SRBD1: variants seen among roughly 807,000 people sequenced by gnomAD.
SRBD1 encodes S1 RNA binding domain 1.
A neutral mutation model predicts 115.3 loss-of-function variants in SRBD1; 88 were observed. That is an observed-to-expected ratio of 0.76 (90% CI 0.64 to 0.91). SRBD1 has a LOEUF of 0.91. SRBD1 is among the 40% of genes least tolerant of loss of function. SRBD1 has a pLI of 0.00. For synonymous variants in SRBD1, 509 were observed against 407.7 expected (o/e 1.25, Z -2.99); for missense variants, 1,385 against 1,177.4 (o/e 1.18, Z -2.58).
rs1169853890 is a variant in SRBD1, at chr2:45,546,726, C to T, written c.1874+6G>A. ...CCAAGAAAAGAGATATATGTAATAG[C>T]CTTACCAGTAAACAACATCCAGTGG... On this transcript the variant is annotated splice_donor_region_variant and intron_variant, in intron 14 of 20. Coordinates refer to ENST00000263736, the MANE Select transcript of SRBD1 (RefSeq NM_018079.5). 6.2e-7 allele frequency: 1 copy of T among 1,613,202 alleles called. No individual in the cohort carries two copies. Among genetic ancestry groups the T allele is most frequent in the Admixed American group, 1.7e-5 (1 of 60,024 alleles).
intron 10 of SRBD1, among the ~76,000 whole-genome samples, chr2:45,556,233 G>C (rs949591699): frequency 1.3e-5 from 2 of 152,034 alleles, no homozygotes; most frequent in African/African-American, 4.8e-5. Context: ...GGGATACAGA[G>C]GAGTAGGATT....
At chr2:45,518,397 C>A (rs1479857959) in intron 14 of SRBD1, among the ~76,000 whole-genome samples, 3 of 152,124 alleles carry the variant, frequency 2.0e-5, no homozygotes, top group African/African-American at 7.2e-5. Context: ...TTATTTTGAG[C>A]AGAATGAATG....
chr2:45,462,256 T>C (rs1360955091), intron 16 of SRBD1, among the ~76,000 whole-genome samples: 1 of 152,132 alleles, frequency 6.6e-6, no homozygotes, highest in South Asian at 2.1e-4. Context: ...CATAGCGCCC[T>C]CATACAGATT....
At chr2:45,606,467 T>C (rs746837042) in intron 1 of SRBD1, among the ~76,000 whole-genome samples, 5 of 152,112 alleles carry the variant, frequency 3.3e-5, no homozygotes, top group African/African-American at 4.8e-5. Flanking sequence ...GCCTATTCTA[T>C]ATATTCTTAA....
At chr2:45,553,901 A>T (rs1179908688) in intron 10 of SRBD1, among the ~76,000 whole-genome samples, 171 bp from the exon 11 acceptor site, 2 of 152,212 alleles carry the variant, frequency 1.3e-5, no homozygotes, top group Non-Finnish European at 2.9e-5. Context: ...TTACTATGAC[A>T]TCTGGAGTTT....
intron 6 of SRBD1, among the ~76,000 whole-genome samples, chr2:45,580,603 C>T (rs1168753756): frequency 1.3e-5 from 2 of 148,874 alleles, no homozygotes; most frequent in Non-Finnish European, 3.0e-5. Flanking sequence ...TCGTGATCTG[C>T]CCGCCTCGGC....
At chr2:45,607,866 T>C (rs1022064442) in intron 1 of SRBD1, among the ~76,000 whole-genome samples, 2 of 152,194 alleles carry the variant, frequency 1.3e-5, no homozygotes, top group Non-Finnish European at 2.9e-5. Context: ...CAGAGAACCC[T>C]AGTCTTCCGC....
rs1044094492 is a variant in SRBD1 at position 45,399,749 on chromosome 2, T to C, written c.2514-6620A>G. Among the ~76,000 whole-genome samples, 4 of 152,294 alleles carry C rather than the reference T, an allele frequency of 2.6e-5. No homozygotes were observed. The East Asian group carries it at 5.8e-4, about 22-fold the overall frequency. On this transcript the variant is annotated intron_variant, in intron 19 of 20. Coordinates refer to ENST00000263736, the MANE Select transcript of SRBD1 (RefSeq NM_018079.5). ...CAAAAGGAAAAAGCTTTGGCTCTTT[T>C]TGAATTTCTGAATAAGAGTTGGACA...
At chr2:45,460,409 G>C (rs577186347) in intron 16 of SRBD1, among the ~76,000 whole-genome samples, 2 of 152,108 alleles carry the variant, frequency 1.3e-5, no homozygotes, top group African/African-American at 4.8e-5. Flanking sequence ...AGGAACTAGG[G>C]AACAAACCAC....
At chr2:45,470,259 T>C (rs1438988935) in intron 16 of SRBD1, among the ~76,000 whole-genome samples, 1 of 152,210 alleles carries the variant, frequency 6.6e-6, no homozygotes, top group African/African-American at 2.4e-5. Flanking sequence ...ATAGAATTGA[T>C]TCCACAGAGC....
chr2:45,578,398 A>G (rs73927559), intron 7 of SRBD1, among the ~76,000 whole-genome samples: 13,318 of 152,210 alleles, frequency 0.087, 1,082 homozygotes, highest in African/African-American at 0.22. Flanking sequence ...TACTCATTTC[A>G]ACCCATCTCT....
chr2:45,402,074 T>C (rs1487697124), intron 19 of SRBD1, among the ~76,000 whole-genome samples: 4 of 152,120 alleles, frequency 2.6e-5, no homozygotes, highest in Admixed American at 2.6e-4. Context: ...TTCTTCACTA[T>C]CTGGCTTGAC....
rs56909656 is a variant in SRBD1 at position 45,545,283 on chromosome 2, T to TAAAAAAAAAAAAA, written c.1874+1436_1874+1448dup. 5.8e-4 allele frequency among the ~76,000 whole-genome samples: 40 copies of TAAAAAAAAAAAAA among 68,570 alleles called. 1 individual carries two copies. Among genetic ancestry groups the TAAAAAAAAAAAAA allele is most frequent in the African/African-American group, 1.4e-3 (20 of 14,776 alleles). 45.0% of individuals were successfully genotyped at this position (68,570 alleles called of 152,430 possible). A position where few individuals can be genotyped will look rare whatever the true frequency, so the allele number is the denominator to read the frequency against. On this transcript the variant is annotated intron_variant, in intron 14 of 20. Coordinates refer to ENST00000263736, the MANE Select transcript of SRBD1 (RefSeq NM_018079.5). ...TGACAGAGCGAGACTCTGTCTCAAT[T>TAAAAAAAAAAAAA]AAAAAAAAAAAAAAAAAAAAAAAAA... is the stretch of plus-strand genomic sequence containing the variant.
intron 19 of SRBD1, among the ~76,000 whole-genome samples, chr2:45,403,286 AT>A (rs1420125790): frequency 2.0e-5 from 3 of 152,004 alleles, no homozygotes; most frequent in African/African-American, 7.2e-5. Context: ...TCTACCAACA[AT>A]TTTGTTTATA....
intron 16 of SRBD1, among the ~76,000 whole-genome samples, chr2:45,420,415 T>C (rs918691329): frequency 6.6e-6 from 1 of 152,214 alleles, no homozygotes; most frequent in African/African-American, 2.4e-5. Context: ...ACTCGTTTCA[T>C]CAAATTGAAG....
chr2:45,432,277 C>T (rs983087296), intron 16 of SRBD1, among the ~76,000 whole-genome samples: 3 of 152,130 alleles, frequency 2.0e-5, no homozygotes, highest in Non-Finnish European at 2.9e-5. Context: ...GATCCGCCCA[C>T]CTCAGCCTCC....
At chr2:45,471,367 A>G (rs1276374658) in intron 16 of SRBD1, among the ~76,000 whole-genome samples, 1 of 152,178 alleles carries the variant, frequency 6.6e-6, no homozygotes, top group Non-Finnish European at 1.5e-5. Flanking sequence ...ACAATTTCTC[A>G]CATTATTAAA....
intron 14 of SRBD1, among the ~76,000 whole-genome samples, chr2:45,490,609 A>C (rs1195796661): frequency 6.6e-6 from 1 of 152,208 alleles, no homozygotes; most frequent in Non-Finnish European, 1.5e-5. Context: ...AGAAGCCTCC[A>C]AAGTTACAAC....
chr2:45,414,204 G>A (rs1030245340), intron 18 of SRBD1, among the ~76,000 whole-genome samples: 3 of 151,952 alleles, frequency 2.0e-5, no homozygotes, highest in African/African-American at 4.8e-5. Context: ...TCAAGTAGGA[G>A]GGCAAATTGA....
Sources: gnomAD v4.1 joint callset for allele counts (sites outside exome capture counted in the v4.1 genomes callset) on GRCh38, gnomAD v4.1.1 for gene constraint, MANE v1.5 for transcripts, NCBI Gene and HGNC (gene_info 2026-07-23, HGNC 2026-07-21) for gene names.